LRP1B: variants seen among roughly 807,000 people sequenced by gnomAD.
LRP1B encodes the protein LDL receptor related protein 1B.
Under a neutral mutation model 556.6 loss-of-function variants are expected in LRP1B, and 217 were observed. The ratio of observed to expected loss-of-function variants is 0.39; its 90% confidence interval spans 0.35 to 0.44. The LOEUF (loss-of-function observed/expected upper bound fraction) is 0.44. LRP1B is among the 20% of genes least tolerant of loss of function. LRP1B has a pLI of 1.00. For synonymous variants in LRP1B, 2,047 were observed against 1,865.8 expected (o/e 1.10, Z -2.50); for missense variants, 5,053 against 5,620.8 (o/e 0.90, Z 3.23).
intron 66 of LRP1B, among the ~76,000 whole-genome samples, chr2:140,415,615 G>T (rs1413753213): frequency 1.3e-5 from 2 of 152,110 alleles, no homozygotes. Context: ...CCAATATATG[G>T]GGAAGAGGTA....
chr2:140,832,831 T>C (rs1573778875), intron 31 of LRP1B, among the ~76,000 whole-genome samples: 1 of 151,916 alleles, frequency 6.6e-6, no homozygotes, highest in East Asian at 1.9e-4. Flanking sequence ...GATAGCACAG[T>C]AGAATGACTA....
intron 21 of LRP1B, 151 bp from the exon 22 acceptor site, chr2:140,908,228 T>C: frequency 1.6e-6 from 1 of 632,218 alleles, no homozygotes; most frequent in South Asian, 2.0e-5. Context: ...CAGTTTATTT[T>C]CATGACAGCA....
chr2:140,697,560 G>T (rs114912327), intron 41 of LRP1B, among the ~76,000 whole-genome samples: 2 of 151,814 alleles, frequency 1.3e-5, no homozygotes, highest in African/African-American at 4.8e-5. Flanking sequence ...CAAATGACTG[G>T]ATAAAAATAT....
chr2:141,245,350 C>T (rs1573705264), intron 5 of LRP1B, among the ~76,000 whole-genome samples: 1 of 152,148 alleles, frequency 6.6e-6, no homozygotes, highest in East Asian at 1.9e-4. Context: ...ATTAACCACA[C>T]TATCTCTGGG....
At chr2:141,114,615 C>T (rs1383083359) in intron 7 of LRP1B, among the ~76,000 whole-genome samples, 2 of 152,056 alleles carry the variant, frequency 1.3e-5, no homozygotes, top group African/African-American at 4.8e-5. Context: ...TTTATATGAA[C>T]AAAGGATAGG....
chr2:141,186,580 T>C (rs934120474), intron 7 of LRP1B, among the ~76,000 whole-genome samples: 1 of 152,190 alleles, frequency 6.6e-6, no homozygotes, highest in Non-Finnish European at 1.5e-5. Flanking sequence ...AAAACAGTGC[T>C]ATAGAGACAG....
intron 84 of LRP1B, among the ~76,000 whole-genome samples, chr2:140,291,743 T>A (rs1051587162): frequency 1.3e-5 from 2 of 152,152 alleles, no homozygotes; most frequent in African/African-American, 4.8e-5. Context: ...AAGTGTTTGC[T>A]ATTGTGAATA....
chr2:140,616,034 C>A (rs574562319), intron 41 of LRP1B, among the ~76,000 whole-genome samples: 1 of 151,910 alleles, frequency 6.6e-6, no homozygotes, highest in East Asian at 1.9e-4. Context: ...AAGTTTGGAG[C>A]AATCCAACAA....
intron 32 of LRP1B, among the ~76,000 whole-genome samples, chr2:140,783,011 A>T (rs1249968744): frequency 6.6e-6 from 1 of 152,206 alleles, no homozygotes; most frequent in African/African-American, 2.4e-5. Flanking sequence ...ATTCGAAAAT[A>T]GTCTCCCATT....
Position 140,536,646 on chromosome 2 carries a change from T to C in LRP1B, c.7577A>G (p.Tyr2526Cys). ...AGGAATGCCATCACAGGTGAGCTGG[T>C]AGTCAATGCACTCACCATTTCCACA... Reference protein sequence around the residue: ...FECGNGECIDYQLTCDGIPHC... With the variant: ...FECGNGECIDCQLTCDGIPHC... The change falls in exon 46 of 91, where the codon TAC becomes TGC. Residue 2526 changes from tyrosine to cysteine, a missense_variant. Coordinates refer to ENST00000389484, the MANE Select transcript of LRP1B (RefSeq NM_018557.3). 2 of 1,611,668 alleles carry C rather than the reference T, an allele frequency of 1.2e-6. No individual in the cohort carries two copies. Among genetic ancestry groups the C allele is most frequent in the South Asian group, 2.2e-5 (2 of 90,842 alleles).
chr2:141,397,128 A>AAAAAAAAAAG (rs1690268854), intron 3 of LRP1B, among the ~76,000 whole-genome samples: 1 of 148,806 alleles, frequency 6.7e-6, no homozygotes, highest in Non-Finnish European at 1.5e-5. Context: ...AAAAAAAAAA[A>AAAAAAAAAAG]AAAAAAAGGA....
At chr2:140,717,499 TAA>T (rs1399790137) in intron 35 of LRP1B, among the ~76,000 whole-genome samples, 1 of 152,096 alleles carries the variant, frequency 6.6e-6, no homozygotes, top group Non-Finnish European at 1.5e-5. Flanking sequence ...AGTCTTTATA[TAA>T]GAGTACTTTT....
At chr2:141,049,449 C>A (rs1463872468) in intron 10 of LRP1B, among the ~76,000 whole-genome samples, 1 of 151,992 alleles carries the variant, frequency 6.6e-6, no homozygotes, top group Non-Finnish European at 1.5e-5. Context: ...GTTAATTATC[C>A]CTTTGTCTGT....
chr2:140,707,071 C>A (rs4954851), intron 37 of LRP1B, among the ~76,000 whole-genome samples: 118,807 of 152,046 alleles, frequency 0.78, 47,026 homozygotes, highest in Middle Eastern at 0.87. Flanking sequence ...GACTAGTTGG[C>A]ATTAATCATT....
intron 11 of LRP1B, among the ~76,000 whole-genome samples, chr2:141,025,262 A>G (rs1698185572): frequency 6.6e-6 from 1 of 152,090 alleles, no homozygotes; most frequent in Non-Finnish European, 1.5e-5. Context: ...TAGAGCAAAC[A>G]AATTGATGAG....
chr2:141,644,007 A>AGTGTGTGT (rs35844486), intron 2 of LRP1B, among the ~76,000 whole-genome samples: 24 of 142,324 alleles, frequency 1.7e-4, no homozygotes, highest in African/African-American at 5.8e-4. Flanking sequence ...GAGAATGTGG[A>AGTGTGTGT]GAGTGTGTGT....
chr2:140,239,184 A>G (rs1303019973), intron 88 of LRP1B, among the ~76,000 whole-genome samples: 3 of 150,852 alleles, frequency 2.0e-5, no homozygotes, highest in South Asian at 2.1e-4. Context: ...GTAAAATCCT[A>G]CTTAACTTTT....
intron 1 of LRP1B, among the ~76,000 whole-genome samples, chr2:142,001,270 C>T (rs1198705011): frequency 6.6e-6 from 1 of 152,170 alleles, no homozygotes; most frequent in Non-Finnish European, 1.5e-5. Flanking sequence ...TACCTACTGT[C>T]TCTGGTAGAT....
At chr2:140,688,733 C>T (rs1360359933) in intron 41 of LRP1B, among the ~76,000 whole-genome samples, 1 of 152,176 alleles carries the variant, frequency 6.6e-6, no homozygotes, top group Non-Finnish European at 1.5e-5. Flanking sequence ...AATATCTTCA[C>T]ATATTGAGCC....
Sources: allele counts gnomAD v4.1 joint callset (sites outside exome capture counted in the v4.1 genomes callset), GRCh38; gene constraint gnomAD v4.1.1; transcripts MANE v1.5; gene names NCBI Gene and HGNC (gene_info 2026-07-23, HGNC 2026-07-21).